The following NAV2 variants were observed in gnomAD, a reference collection of about 807,000 sequenced individuals.
The protein encoded by NAV2 is neuron navigator 2, also known as helicase, APC down-regulated 1.
NAV2 carries 54 observed loss-of-function variants against 223.2 expected under a neutral mutation model. The ratio of observed to expected loss-of-function variants is 0.24; its 90% confidence interval spans 0.19 to 0.30. The LOEUF is 0.30. NAV2 is among the 10% of genes least tolerant of loss of function. The pLI, the probability that NAV2 is intolerant of heterozygous loss-of-function variation, is 1.00. For synonymous variants in NAV2, 1,279 were observed against 1,239.3 expected (o/e 1.03, Z -0.67); for missense variants, 2,806 against 3,147.5 (o/e 0.89, Z 2.60).
At position 20,106,175 on chromosome 11, in the gene NAV2, A is replaced by ATATATATGTGTGTG. The variant is rs11267537; in HGVS notation, c.6841+449_6841+450insATATATGTGTGTGT. On this transcript the variant is annotated intron_variant, in intron 35 of 37. Coordinates refer to ENST00000349880, the MANE Select transcript of NAV2 (RefSeq NM_145117.5). ...TGTGTGTATATATATATATATATAT[A>ATATATATGTGTGTG]TGTGTGTGTATATATATATATATAT... Among the ~76,000 whole-genome samples the ATATATATGTGTGTG allele has an allele frequency of 4.9e-3, 175 of 35,816 alleles. 31 individuals are homozygous for ATATATATGTGTGTG. Among genetic ancestry groups the ATATATATGTGTGTG allele is most frequent in the South Asian group, 0.012 (10 of 816 alleles). 23.5% of individuals were successfully genotyped at this position (35,816 alleles called of 152,430 possible). A position where few individuals can be genotyped will look rare whatever the true frequency, so the allele number is the denominator to read the frequency against.
At chr11:19,935,851 G>GGTTTTTTTT (rs2045808472) in intron 7 of NAV2, among the ~76,000 whole-genome samples, 1 of 52,704 alleles carries the variant, frequency 1.9e-5, no homozygotes, top group Non-Finnish European at 3.4e-5. Flanking sequence ...TTTTGTTTCT[G>GGTTTTTTTT]TTTTTTTTTT....
chr11:19,362,702 T>A (rs1264503342), intron 1 of NAV2, among the ~76,000 whole-genome samples: 1 of 152,240 alleles, frequency 6.6e-6, no homozygotes, highest in African/African-American at 2.4e-5. Context: ...TTCTTGGACA[T>A]GTGACTCTGA....
chr11:19,412,807 AC>A (rs1264047354), intron 1 of NAV2, among the ~76,000 whole-genome samples: 1 of 152,144 alleles, frequency 6.6e-6, no homozygotes, highest in Admixed American at 6.5e-5. Context: ...CCTCCAGCAA[AC>A]TCCAGCAGAC....
chr11:19,982,391 C>T (rs1394308209), intron 10 of NAV2, among the ~76,000 whole-genome samples: 1 of 152,084 alleles, frequency 6.6e-6, no homozygotes, highest in African/African-American at 2.4e-5. Flanking sequence ...CCTCAGCCTC[C>T]CAAGTAGCTG....
intron 1 of NAV2, among the ~76,000 whole-genome samples, chr11:19,754,493 A>G (rs1278539180): frequency 2.0e-5 from 3 of 152,180 alleles, no homozygotes; most frequent in Non-Finnish European, 4.4e-5. Context: ...GGAGCAAGGC[A>G]TGGTCAGGAA....
At chr11:19,795,366 G>A (rs1044430820) in intron 1 of NAV2, among the ~76,000 whole-genome samples, 12 of 152,082 alleles carry the variant, frequency 7.9e-5, no homozygotes, top group African/African-American at 2.4e-4. Flanking sequence ...TGCCATATTT[G>A]CCTACCACTT....
intron 11 of NAV2, among the ~76,000 whole-genome samples, chr11:20,010,843 T>C (rs2053505885): frequency 2.0e-5 from 3 of 152,218 alleles, no homozygotes; most frequent in Admixed American, 6.5e-5. Context: ...CTTTAAGTAC[T>C]GTAACAGGCT....
At chr11:19,408,699 T>G (rs960117106) in intron 1 of NAV2, among the ~76,000 whole-genome samples, 1 of 152,192 alleles carries the variant, frequency 6.6e-6, no homozygotes, top group Admixed American at 6.5e-5. Context: ...ATTTTACAGA[T>G]GAGAAAACTG....
chr11:19,707,427 T>TA (rs1471176253), intron 1 of NAV2, among the ~76,000 whole-genome samples: 2 of 152,198 alleles, frequency 1.3e-5, no homozygotes, highest in East Asian at 3.8e-4. Flanking sequence ...TTCTTAAAAT[T>TA]AAAAATGAAG....
intron 19 of NAV2, chr11:20,056,526 T>C (rs1431364050): frequency 1.6e-5 from 26 of 1,602,214 alleles, no homozygotes; most frequent in Non-Finnish European, 2.2e-5. Context: ...TTCATTTTAA[T>C]CAGAATCATG....
intron 1 of NAV2, among the ~76,000 whole-genome samples, chr11:19,556,218 A>G (rs879235125): frequency 6.6e-6 from 1 of 152,258 alleles, no homozygotes; most frequent in African/African-American, 2.4e-5. Flanking sequence ...GTCATTTGTA[A>G]AAGTGACAGG....
intron 1 of NAV2, among the ~76,000 whole-genome samples, chr11:19,721,679 C>T (rs1344045279): frequency 6.6e-6 from 1 of 152,130 alleles, no homozygotes. Flanking sequence ...ATGAGGAAAA[C>T]CATAAATGCT....
intron 1 of NAV2, among the ~76,000 whole-genome samples, chr11:19,749,056 G>A (rs983165256): frequency 9.2e-5 from 14 of 152,348 alleles, no homozygotes; most frequent in African/African-American, 3.4e-4. Context: ...GATTGTTTAA[G>A]CATCCTCTGT....
intron 9 of NAV2, among the ~76,000 whole-genome samples, chr11:19,947,095 A>G (rs1487263027): frequency 6.6e-6 from 1 of 152,208 alleles, no homozygotes; most frequent in Non-Finnish European, 1.5e-5. Context: ...AGGAGGTTTT[A>G]TAGTTGTAGA....
intron 1 of NAV2, among the ~76,000 whole-genome samples, chr11:19,681,869 C>T (rs1200114366): frequency 6.6e-6 from 1 of 152,182 alleles, no homozygotes; most frequent in East Asian, 1.9e-4. Context: ...AGGTGTCTGG[C>T]AGCCTCAGGA....
rs114669890 is a variant in NAV2 at position 19,635,862 on chromosome 11, C to T, written c.76-196622C>T. ...TGGTGGGGACAAACCACATCCAAACCATAGCACAGGCCATCTTACCTTAAG... is the reference window on the plus strand; with the variant it reads ...TGGTGGGGACAAACCACATCCAAACTATAGCACAGGCCATCTTACCTTAAG... On this transcript the variant is annotated intron_variant, in intron 1 of 37. Transcript: ENST00000360655. 1.8e-3 allele frequency among the ~76,000 whole-genome samples: 280 copies of T among 152,314 alleles called. 1 individual carries two copies. Among genetic ancestry groups the T allele is most frequent in the African/African-American group, 6.5e-3 (271 of 41,558 alleles).
chr11:19,886,137 C>A (rs1393478758), intron 5 of NAV2, among the ~76,000 whole-genome samples: 2 of 149,410 alleles, frequency 1.3e-5, no homozygotes, highest in Non-Finnish European at 3.0e-5. Flanking sequence ...GCCTCCATAC[C>A]CAGCTAATTT....
At chr11:19,753,325 C>G (rs1443131499) in intron 1 of NAV2, among the ~76,000 whole-genome samples, 1 of 152,170 alleles carries the variant, frequency 6.6e-6, no homozygotes, top group Non-Finnish European at 1.5e-5. Context: ...CCTTCCCCCT[C>G]AAGCCTCTTT....
intron 1 of NAV2, among the ~76,000 whole-genome samples, chr11:19,523,216 T>A (rs2043728944): frequency 6.6e-6 from 1 of 152,160 alleles, no homozygotes; most frequent in African/African-American, 2.4e-5. Context: ...CGAACTCCCT[T>A]CTCCAGTGAA....
Sources: allele counts gnomAD v4.1 joint callset (sites outside exome capture counted in the v4.1 genomes callset), GRCh38; gene constraint gnomAD v4.1.1; transcripts MANE v1.5; gene names NCBI Gene and HGNC (gene_info 2026-07-23, HGNC 2026-07-21).